The following PYCR2 variants were observed in gnomAD, a reference collection of about 807,000 sequenced individuals.
PYCR2 encodes P5C reductase 2.
In PYCR2, 17 loss-of-function variants were observed where a neutral mutation model predicts 23.4. The ratio of observed to expected loss-of-function variants is 0.73; its 90% CI spans 0.50 to 1.09. The LOEUF is 1.09. Ranked by LOEUF, PYCR2 falls within the 50% of genes least tolerant of loss-of-function variation. The pLI is 0.00. For synonymous variants in PYCR2, 172 were observed against 176.6 expected (o/e 0.97, Z 0.21); for missense variants, 380 against 423.5 (o/e 0.90, Z 0.90).
Position 225,921,654 on chromosome 1 carries a change from C to T in PYCR2, c.541-10G>A, listed in dbSNP as rs765672317. The T allele has an allele frequency of 1.9e-6, 3 of 1,614,108 alleles. No homozygotes were observed. Among genetic ancestry groups the T allele is most frequent in the East Asian group, 2.2e-5 (1 of 44,886 alleles). On this transcript the variant is annotated splice_polypyrimidine_tract_variant and intron_variant, in intron 4 of 6. Transcript: ENST00000343818. The surrounding 1 kb of genome is among the most constrained non-coding windows in gnomAD (Gnocchi z 4.2). ...CCAGAGCCATGAATGCCTGTGGAGA[C>T]ACTCACTAAGCCCCAGGCCATAGGC...
chr1:225,922,856 A>G (rs752578957), intron 2 of PYCR2: 63 of 373,310 alleles, frequency 1.7e-4, no homozygotes, highest in Admixed American at 2.3e-4. Context: ...ACTGAGAAGC[A>G]GGACCCTCCA....
intron 2 of PYCR2, chr1:225,923,261 C>T (rs75128454): frequency 0.052 from 13,476 of 257,614 alleles, 538 homozygotes; most frequent in African/African-American, 0.12. Context: ...ATTAGCTGCG[C>T]GTGGTGGATG....
Position 225,921,382 on chromosome 1 carries a change from G to A in PYCR2, c.634-11C>T. 1 of 1,533,046 alleles carries A rather than the reference G, an allele frequency of 6.5e-7. No individual in the cohort carries two copies. Among genetic ancestry groups the A allele is most frequent in the Non-Finnish European group, 9.0e-7 (1 of 1,108,106 alleles). 95.0% of individuals were successfully genotyped at this position (1,533,046 alleles called of 1,614,324 possible). Reference sequence around the variant, plus strand: ...CATCTTGGCAGCTCCCTATGGGGAAGGGCACATTAGGAGAAAGTTGCTGGT... The same window carrying A: ...CATCTTGGCAGCTCCCTATGGGGAAAGGCACATTAGGAGAAAGTTGCTGGT... On this transcript the variant is annotated splice_polypyrimidine_tract_variant and intron_variant, in intron 5 of 6. Coordinates refer to ENST00000343818, the MANE Select transcript of PYCR2 (RefSeq NM_013328.4). This position sits in a 1 kb window ranked among gnomAD's most constrained non-coding sequence, Gnocchi z 4.2.
At chr1:225,923,670 C>A in intron 2 of PYCR2, 31 bp downstream of exon 2, 1 of 1,613,662 alleles carries the variant, frequency 6.2e-7, no homozygotes, top group Non-Finnish European at 8.5e-7. Flanking sequence ...TGGGCCTCCA[C>A]CCGCTTCCCA....
chr1:225,923,481 C>T, intron 2 of PYCR2: 1 of 1,408,176 alleles, frequency 7.1e-7, no homozygotes, highest in Non-Finnish European at 9.3e-7. Context: ...TCCTCTACCA[C>T]TCCAGTGTCT....
Position 225,922,297 on chromosome 1 carries a change from G to A in PYCR2, c.225C>T (p.Ile75=), listed in dbSNP as rs760310257. ...VLFLAVKPHI[I]PFILDEIGAD... The stretch of plus-strand genomic sequence containing the variant: ...CCCCAATCTCATCCAGGATGAAGGG[G>A]ATGATATGTGGCTTCACAGCCAGAA... Residue 75 remains isoleucine, a synonymous_variant, in exon 3 of 7, where the codon ATC becomes ATT. Transcript: ENST00000343818. 3 of 1,614,210 alleles carry A rather than the reference G, an allele frequency of 1.9e-6. No homozygotes were observed. The Admixed American group carries it at 5.0e-5, about 27-fold the overall frequency.
chr1:225,923,478 C>T, intron 2 of PYCR2: 1 of 1,404,350 alleles, frequency 7.1e-7, no homozygotes, highest in Non-Finnish European at 9.3e-7. Context: ...TAATCCTCTA[C>T]CACTCCAGTG....
At chr1:225,923,927 G>A in intron 1 of PYCR2, 117 bp downstream of exon 1, 5 of 1,474,914 alleles carry the variant, frequency 3.4e-6, no homozygotes, top group Non-Finnish European at 4.6e-6. Context: ...CTCAACCAGA[G>A]TCTCATCTAC....
At chr1:225,920,827 C>T (rs939501556) in intron 6 of PYCR2, among the ~76,000 whole-genome samples, 3 of 152,174 alleles carry the variant, frequency 2.0e-5, no homozygotes, top group Admixed American at 2.0e-4. Flanking sequence ...GCTTATTTAT[C>T]TCATTTGATC....
chr1:225,920,439 G>T lies in PYCR2; in HGVS notation c.*16C>A. 7.0e-7 allele frequency: 1 copy of T among 1,421,328 alleles called. No homozygotes were observed. The allele number at this position is 1,421,328 out of a possible 1,614,324, so 88.0% of individuals were successfully genotyped here. Reference sequence around the variant, plus strand: ...TCAACTAAGGGCTCTGAATCACAGAGGGGACAGATGCTGCCTTAGTCCTTC... The same window carrying T: ...TCAACTAAGGGCTCTGAATCACAGATGGGACAGATGCTGCCTTAGTCCTTC... On this transcript the variant is annotated 3_prime_UTR_variant, in exon 7 of 7. Coordinates refer to ENST00000343818, the MANE Select transcript of PYCR2 (RefSeq NM_013328.4).
At position 225,924,208 on chromosome 1, in the gene PYCR2, G is replaced by T; in HGVS notation, c.-98C>A. The T allele has an allele frequency of 1.5e-6, 2 of 1,360,732 alleles. No individual in the cohort carries two copies. The highest frequency in any genetic ancestry group is 2.0e-6 in the Non-Finnish European group (2 of 1,020,648). 84.3% of individuals were successfully genotyped at this position (1,360,732 alleles called of 1,614,324 possible). On this transcript the variant is annotated 5_prime_UTR_variant, in exon 1 of 7. Transcript: ENST00000343818. ...GGGCGGACAGCGCAGGGGCGAACGG[G>T]CGGCGTGCCGAGGACCGGCGAGCTA...
chr1:225,920,754 C>A (rs1671813900), intron 6 of PYCR2, 134 bp from the exon 7 acceptor site: 2 of 976,786 alleles, frequency 2.0e-6, no homozygotes, highest in Non-Finnish European at 3.1e-6. Flanking sequence ...AAGACAAACG[C>A]TTCCCAACTA....
intron 2 of PYCR2, chr1:225,923,375 G>A (rs1671903033): frequency 3.1e-6 from 3 of 979,950 alleles, no homozygotes; most frequent in South Asian, 4.7e-5. Flanking sequence ...TTGGGCGACA[G>A]AGTAAGACCC....
At position 225,921,412 on chromosome 1, in the gene PYCR2, GTTGGAACAGGC is replaced by G. The variant is rs1671833545; in HGVS notation, c.634-52_634-42del. ...CATTAGGAGAAAGTTGCTGGTGTGC[GTTGGAACAGGC>G]TTCCCATACCCACTGCTCCTGCCCA... On this transcript the variant is annotated intron_variant, in intron 5 of 6. Coordinates refer to ENST00000343818, the MANE Select transcript of PYCR2 (RefSeq NM_013328.4). This position sits in a 1 kb window ranked among gnomAD's most constrained non-coding sequence, Gnocchi z 4.2. 2.6e-6 allele frequency: 4 copies of G among 1,524,058 alleles called. No individual in the cohort carries two copies. The highest frequency in any genetic ancestry group is 3.6e-6 in the Non-Finnish European group (4 of 1,104,368). The allele number at this position is 1,524,058 out of a possible 1,614,324, so 94.4% of individuals were successfully genotyped here. A position where few individuals can be genotyped will look rare whatever the true frequency, so the allele number is the denominator to read the frequency against.
At chr1:225,923,426 C>T in intron 2 of PYCR2, 1 of 1,282,972 alleles carries the variant, frequency 7.8e-7, no homozygotes. Flanking sequence ...TTATTAGGTA[C>T]CTACTATGTG....
chr1:225,921,439 C>T lies in PYCR2; in HGVS notation c.634-68G>A. 6.5e-7 allele frequency: 1 copy of T among 1,526,992 alleles called. No individual in the cohort carries two copies. The highest frequency in any genetic ancestry group is 9.0e-7 in the Non-Finnish European group (1 of 1,108,696). The allele number at this position is 1,526,992 out of a possible 1,614,324, so 94.6% of individuals were successfully genotyped here. On this transcript the variant is annotated intron_variant, in intron 5 of 6. Coordinates refer to ENST00000343818, the MANE Select transcript of PYCR2 (RefSeq NM_013328.4). This position sits in a 1 kb window ranked among gnomAD's most constrained non-coding sequence, Gnocchi z 4.2. ...TGGAACAGGCTTCCCATACCCACTG[C>T]TCCTGCCCAACTGCTACCCCAGCTT...
At position 225,920,390 on chromosome 1, in the gene PYCR2, G is replaced by GGGT; in HGVS notation, c.*62_*64dup. 1 of 1,377,098 alleles carries GGGT rather than the reference G, an allele frequency of 7.3e-7. No homozygotes were observed. The highest frequency in any genetic ancestry group is 1.4e-5 in the South Asian group (1 of 68,982). The allele number at this position is 1,377,098 out of a possible 1,614,324, so 85.3% of individuals were successfully genotyped here. A position where few individuals can be genotyped will look rare whatever the true frequency, so the allele number is the denominator to read the frequency against. On this transcript the variant is annotated 3_prime_UTR_variant, in exon 7 of 7. Coordinates refer to ENST00000343818, the MANE Select transcript of PYCR2 (RefSeq NM_013328.4). Reference sequence around the variant, plus strand: ...GGGCAATGGTGGGAGCGGGGCAGGGGGGTGGCAGGGGCGGCAGGGGCTCTC... The same window carrying GGGT: ...GGGCAATGGTGGGAGCGGGGCAGGGGGGTGGTGGCAGGGGCGGCAGGGGCTCTC...
Position 225,922,269 on chromosome 1 carries a change from CG to C in PYCR2, c.252del (p.Asp85ThrfsTer24). ...ACCACGATGTGTCTGGCTTGCACGTCGGCCCCAATCTCATCCAGGATGAAGG... is the reference window on the plus strand; with the variant it reads ...ACCACGATGTGTCTGGCTTGCACGTCGCCCCAATCTCATCCAGGATGAAGG... Reference protein sequence around the residue: ...IIPFILDEIGADVQARHIVVS... With the variant: ...IIPFILDEIGXDVQARHIVVS... On this transcript the variant is annotated frameshift_variant, in exon 3 of 7. Transcript: ENST00000343818. LOFTEE classifies it high-confidence loss of function. 2.5e-6 allele frequency: 4 copies of C among 1,614,220 alleles called. No homozygotes were observed. The highest frequency in any genetic ancestry group is 3.4e-6 in the Non-Finnish European group (4 of 1,180,036).
rs10915897 is a variant in PYCR2, at chr1:225,921,194, C to A, written c.797+14G>T. 2 of 1,607,702 alleles carry A rather than the reference C, an allele frequency of 1.2e-6. No homozygotes were observed. Among genetic ancestry groups the A allele is most frequent in the South Asian group, 2.2e-5 (2 of 90,288 alleles). ...CTGAAGGGTCTGGGACAGAAGTCCG[C>A]GGGATGGACTCACCGTGTTCGGATA... On this transcript the variant is annotated intron_variant, in intron 6 of 6. Transcript: ENST00000343818. This position sits in a 1 kb window ranked among gnomAD's most constrained non-coding sequence, Gnocchi z 4.2.
Sources: gnomAD v4.1 joint callset for allele counts (sites outside exome capture counted in the v4.1 genomes callset) on GRCh38, gnomAD v4.1.1 for gene constraint, Gnocchi (gnomAD v3.1) non-coding constraint, MANE v1.5 for transcripts, NCBI Gene and HGNC (gene_info 2026-07-23, HGNC 2026-07-21) for gene names.